NHLH2: variants seen among roughly 807,000 people sequenced by gnomAD.
NHLH2 encodes nescient helix-loop-helix 2, also known as helix-loop-helix protein 2.
NHLH2 carries 7 observed loss-of-function variants against 7.3 expected under a neutral mutation model. That is an observed-to-expected ratio of 0.96 (90% CI 0.55 to 1.81). The LOEUF (loss-of-function observed/expected upper bound fraction) is 1.81. Among genes scored for constraint, NHLH2 ranks in the 40% most tolerant of loss-of-function variants. The pLI is 0.00. For missense variants in NHLH2, 155 were observed against 194.0 expected, an observed-to-expected ratio of 0.80 and a Z score of 1.19; for synonymous variants, 93 against 91.6, an observed-to-expected ratio of 1.01 and a Z score of -0.09.
Position 115,838,036 on chromosome 1 carries a change from GCTT to G in NHLH2, c.334_336del (p.Lys112del), listed in dbSNP as rs781603978. Reference sequence around the variant, plus strand: ...AGGCGCAGGATCTCGATCTTGGAGAGCTTCTTGTCCGGGGGCAGCGTGGGCAGC... The same window carrying G: ...AGGCGCAGGATCTCGATCTTGGAGAGCTTGTCCGGGGGCAGCGTGGGCAGC... On this transcript the variant is annotated inframe_deletion, in exon 3 of 3. Transcript: ENST00000320238. The G allele has an allele frequency of 6.2e-7, 1 of 1,610,438 alleles. No individual in the cohort carries two copies. The highest frequency in any genetic ancestry group is 1.7e-5 in the Admixed American group (1 of 59,904).
chr1:115,831,447 G>GTAAGTATCTCTTAAAAGA (rs1650750020), downstream of NHLH2, among the ~76,000 whole-genome samples: 1 of 152,140 alleles, frequency 6.6e-6, no homozygotes, highest in Admixed American at 6.5e-5. Context: ...GAAGACATCA[G>GTAAGTATCTCTTAAAAGA]TAAGTATCTC....
At chr1:115,833,895 C>T (rs985649868), downstream of NHLH2, among the ~76,000 whole-genome samples, 1 of 152,218 alleles carries the variant, frequency 6.6e-6, no homozygotes, top group African/African-American at 2.4e-5. Flanking sequence ...TAGCCAGAGA[C>T]AGCAGTGAGG....
In NHLH2 at chr1:115,837,961, C is replaced by G. The variant is rs370167347; in HGVS notation, c.*4G>C. ...ACAGGCGGCCCCCCGCGGCGCACCC[C>G]GCCCTACACGTCCAGGACGTGGTTG... On this transcript the variant is annotated 3_prime_UTR_variant, in exon 3 of 3. Transcript: ENST00000320238. 3.1e-6 allele frequency: 5 copies of G among 1,591,798 alleles called. No homozygotes were observed. The highest frequency in any genetic ancestry group is 3.4e-6 in the Non-Finnish European group (4 of 1,171,470).
At chr1:115,832,961 C>T (rs1044144412), downstream of NHLH2, among the ~76,000 whole-genome samples, 13 of 152,028 alleles carry the variant, frequency 8.6e-5, no homozygotes, top group African/African-American at 2.9e-4. Flanking sequence ...GTGAGGAAAC[C>T]GAGTTTGCAG....
rs1219694044 is a variant in NHLH2 at position 115,838,197 on chromosome 1, T to C, written c.176A>G (p.His59Arg). ...KGGSRAALYPHPQQLSREEKR... is the reference protein window; with the variant it reads ...KGGSRAALYPRPQQLSREEKR... ...CTCCTCGCGGCTCAGCTGCTGCGGG[T>C]GCGGGTAGAGCGCGGCTCGGCTGCC... The change falls in exon 3 of 3, where the codon CAC becomes CGC. Residue 59 changes from histidine to arginine, a missense_variant. This residue lies in a region of NHLH2 where 91 missense variants were observed against 86.6 expected (regional missense o/e 1.05). Coordinates refer to ENST00000320238, the MANE Select transcript of NHLH2 (RefSeq NM_005599.3). 4.5e-6 allele frequency: 7 copies of C among 1,568,424 alleles called. No individual in the cohort carries two copies. Among genetic ancestry groups the C allele is most frequent in the Non-Finnish European group, 6.0e-6 (7 of 1,158,594 alleles).
downstream of NHLH2, among the ~76,000 whole-genome samples, chr1:115,834,163 C>A (rs1472366190): frequency 6.6e-6 from 1 of 152,222 alleles, no homozygotes; most frequent in South Asian, 2.1e-4. Context: ...CTTCCCCTCT[C>A]CCTGGAGAGG....
chr1:115,840,100 T>G (rs1427076835), intron 2 of NHLH2, 116 bp downstream of exon 2: 1 of 167,010 alleles, frequency 6.0e-6, no homozygotes, highest in Non-Finnish European at 1.5e-5. Context: ...AAAATATTCA[T>G]AAATAGTATG....
At chr1:115,833,182 C>T (rs1424299158), downstream of NHLH2, among the ~76,000 whole-genome samples, 2 of 152,112 alleles carry the variant, frequency 1.3e-5, no homozygotes, top group East Asian at 1.9e-4. Flanking sequence ...GTGGATGGAG[C>T]CAGCCTCACC....
downstream of NHLH2, among the ~76,000 whole-genome samples, chr1:115,834,974 G>A (rs1650833926): frequency 6.6e-6 from 1 of 152,162 alleles, no homozygotes; most frequent in African/African-American, 2.4e-5. Flanking sequence ...GTCACCCTCT[G>A]GTCTAGCAGA....
chr1:115,834,507 A>G (rs1346265516), downstream of NHLH2, among the ~76,000 whole-genome samples: 1 of 152,196 alleles, frequency 6.6e-6, no homozygotes, highest in African/African-American at 2.4e-5. Context: ...GAGCACTCAG[A>G]ACATTTTAAT....
At chr1:115,840,909 T>G (rs905423635) in intron 1 of NHLH2, 39 bp downstream of exon 1, 19 of 167,396 alleles carry the variant, frequency 1.1e-4, no homozygotes, top group Admixed American at 8.5e-4. Flanking sequence ...CTTTCAAGGT[T>G]TGGCTATATC....
chr1:115,835,477 T>C (rs1176804858), downstream of NHLH2, among the ~76,000 whole-genome samples: 1 of 152,192 alleles, frequency 6.6e-6, no homozygotes, highest in Admixed American at 6.5e-5. Context: ...CAGAAGGTGC[T>C]GTTCTTTTTC....
At chr1:115,831,471 ACT>A (rs1557827211), downstream of NHLH2, among the ~76,000 whole-genome samples, 1 of 152,036 alleles carries the variant, frequency 6.6e-6, no homozygotes, top group Non-Finnish European at 1.5e-5. Flanking sequence ...AAAGATAAGG[ACT>A]CTTTTTTCTT....
chr1:115,838,000 A>G lies in NHLH2; in HGVS notation c.373T>C (p.Tyr125His). 6.2e-7 allele frequency: 1 copy of G among 1,610,222 alleles called. No homozygotes were observed. Among genetic ancestry groups the G allele is most frequent in the Non-Finnish European group, 8.5e-7 (1 of 1,178,518 alleles). ...AGGACGTGGTTGAGATAGGAGATGT[A>G]GCAGATGGCCAGGCGCAGGATCTCG... ...KIEILRLAIC[Y>H]ISYLNHVLDV Residue 125 changes from tyrosine (Y) to histidine (H), a missense_variant, in exon 3 of 3, where the codon TAC becomes CAC. Tyr to His is a moderately conservative substitution (Grantham distance 83, BLOSUM62 2). This residue lies in a region of NHLH2 where 64 missense variants were observed against 107.4 expected (regional missense o/e 0.60). Coordinates refer to ENST00000320238, the MANE Select transcript of NHLH2 (RefSeq NM_005599.3).
At chr1:115,834,591 C>T (rs143839001), downstream of NHLH2, among the ~76,000 whole-genome samples, 562 of 152,298 alleles carry the variant, frequency 3.7e-3, 3 homozygotes, top group Non-Finnish European at 6.2e-3. Flanking sequence ...AGTCTCTAGG[C>T]AGAGGGTACC....
chr1:115,839,390 GCTGCAGCTGT>G (rs1294029207), intron 2 of NHLH2: 2 of 166,782 alleles, frequency 1.2e-5, no homozygotes, highest in East Asian at 1.9e-4. Flanking sequence ...AGCTCGGCAG[GCTGCAGCTGT>G]CCCCGGGTGG....
At chr1:115,832,863 T>C (rs1179903123), downstream of NHLH2, among the ~76,000 whole-genome samples, 1 of 151,840 alleles carries the variant, frequency 6.6e-6, no homozygotes, top group East Asian at 1.9e-4. Flanking sequence ...GGGTAAAAAA[T>C]GAGGTTAGGG....
downstream of NHLH2, among the ~76,000 whole-genome samples, chr1:115,835,380 A>G (rs1346022387): frequency 6.6e-6 from 1 of 152,220 alleles, no homozygotes; most frequent in African/African-American, 2.4e-5. Flanking sequence ...AGAGGTGAGA[A>G]GGCCTACAGG....
downstream of NHLH2, among the ~76,000 whole-genome samples, chr1:115,835,991 C>T (rs1042062152): frequency 6.6e-6 from 1 of 152,114 alleles, no homozygotes; most frequent in African/African-American, 2.4e-5. Flanking sequence ...CTTCTCACTG[C>T]CATTAAATAG....
Sources: allele counts gnomAD v4.1 joint callset (sites outside exome capture counted in the v4.1 genomes callset), GRCh38; gene constraint gnomAD v4.1.1; regional missense constraint gnomAD v4.1.1; transcripts MANE v1.5; gene names NCBI Gene and HGNC (gene_info 2026-07-23, HGNC 2026-07-21).